ZMYM2: variants seen among roughly 807,000 people sequenced by gnomAD.
ZMYM2 encodes the protein zinc finger MYM-type protein 2.
ZMYM2 carries 56 observed loss-of-function variants against 162.8 expected under a neutral mutation model. The ratio of observed to expected loss-of-function variants is 0.34; its 90% CI spans 0.28 to 0.43. The LOEUF is 0.43. Among genes scored for constraint, ZMYM2 ranks in the 20% least tolerant of loss-of-function variants. The pLI is 1.00. For missense variants in ZMYM2, 1,275 were observed against 1,621.8 expected (o/e 0.79, Z 3.67); for synonymous variants, 510 against 541.6 (o/e 0.94, Z 0.81).
chr13:19,899,171 C>G, the ZMYM2 span, among the ~76,000 whole-genome samples: 1 of 151,646 alleles, frequency 6.6e-6, no homozygotes, highest in Non-Finnish European at 1.5e-5. Flanking sequence ...AGGCTGGTCT[C>G]GAACTTCTGA....
chr13:19,882,478 A>G, the ZMYM2 span, among the ~76,000 whole-genome samples: 1 of 152,248 alleles, frequency 6.6e-6, no homozygotes, highest in East Asian at 1.9e-4. Context: ...GCGTGGTGGT[A>G]GCTCACACCT....
the ZMYM2 span, among the ~76,000 whole-genome samples, chr13:19,909,642 A>G: frequency 1.3e-5 from 2 of 151,756 alleles, no homozygotes; most frequent in Admixed American, 6.6e-5. Flanking sequence ...CACTTTTCCC[A>G]GGCTGGTCTG....
At chr13:19,882,639 C>T in the ZMYM2 span, among the ~76,000 whole-genome samples, 7 of 152,092 alleles carry the variant, frequency 4.6e-5, no homozygotes, top group African/African-American at 1.7e-4. Flanking sequence ...CCCAACTACT[C>T]AGGAGCCTGA....
the ZMYM2 span, among the ~76,000 whole-genome samples, chr13:19,883,775 C>T: frequency 6.6e-6 from 1 of 151,854 alleles, no homozygotes; most frequent in Non-Finnish European, 1.5e-5. Context: ...TTTTTTTGAG[C>T]TGGAATCTTT....
rs144546339 is a variant in ZMYM2 at position 20,035,507 on chromosome 13, T to A, written c.2119+1103T>A. Among the ~76,000 whole-genome samples the A allele has an allele frequency of 1.1e-3, 171 of 152,324 alleles. 1 individual carries two copies. The Middle Eastern group carries it at 0.017, about 15-fold the overall frequency. On this transcript the variant is annotated intron_variant, in intron 11 of 24. Coordinates refer to ENST00000610343, the MANE Select transcript of ZMYM2 (RefSeq NM_197968.4). Reference sequence around the variant, plus strand: ...TTGATTCTGAATTAGTCTTTTTACATTTGAGTTGTGCAATGACATTCTTAC... The same window carrying A: ...TTGATTCTGAATTAGTCTTTTTACAATTGAGTTGTGCAATGACATTCTTAC...
intron 18 of ZMYM2, among the ~76,000 whole-genome samples, chr13:20,063,933 T>G (rs1419977031): frequency 6.0e-5 from 1 of 16,544 alleles, no homozygotes; most frequent in East Asian, 5.4e-3. Context: ...ATATATTATA[T>G]AGTTTTTATA....
chr13:19,884,168 C>A, the ZMYM2 span, among the ~76,000 whole-genome samples: 1,840 of 152,204 alleles, frequency 0.012, 39 homozygotes, highest in African/African-American at 0.041. Flanking sequence ...ATGAGTTTTA[C>A]AACAGCCAGG....
At chr13:19,956,853 C>T (rs1014509476), upstream of ZMYM2, among the ~76,000 whole-genome samples, 1 of 152,082 alleles carries the variant, frequency 6.6e-6, no homozygotes, top group Non-Finnish European at 1.5e-5. Context: ...AAGTTTTCAC[C>T]AAATTATTAC....
chr13:19,951,842 T>C, the ZMYM2 span, among the ~76,000 whole-genome samples: 1 of 151,942 alleles, frequency 6.6e-6, no homozygotes, highest in African/African-American at 2.4e-5. Context: ...TCTCAAAAAA[T>C]AAAAAAATTG....
the ZMYM2 span, among the ~76,000 whole-genome samples, chr13:19,892,701 A>G: frequency 6.6e-6 from 1 of 151,548 alleles, no homozygotes; most frequent in Non-Finnish European, 1.5e-5. Context: ...TATATTTAAC[A>G]TAAAAATTTT....
chr13:20,031,148 A>G (rs1288949856), intron 9 of ZMYM2, among the ~76,000 whole-genome samples, 171 bp from the exon 10 acceptor site: 1 of 152,220 alleles, frequency 6.6e-6, no homozygotes, highest in East Asian at 1.9e-4. Context: ...TTATAAAACT[A>G]ACATATACTA....
At chr13:19,972,802 C>T (rs1956438577) in intron 2 of ZMYM2, among the ~76,000 whole-genome samples, 1 of 151,944 alleles carries the variant, frequency 6.6e-6, no homozygotes, top group African/African-American at 2.4e-5. Flanking sequence ...CCACTTCTTC[C>T]ACATTCTTCC....
At chr13:19,916,143 A>G in the ZMYM2 span, among the ~76,000 whole-genome samples, 2 of 152,178 alleles carry the variant, frequency 1.3e-5, no homozygotes, top group South Asian at 2.1e-4. Flanking sequence ...TTACAGGTGT[A>G]AGCCACCGCA....
At chr13:20,007,222 G>T (rs890187493) in intron 6 of ZMYM2, among the ~76,000 whole-genome samples, 1 of 151,396 alleles carries the variant, frequency 6.6e-6, no homozygotes, top group African/African-American at 2.4e-5. Flanking sequence ...TGCAACCTCC[G>T]CCTCCCAGGT....
chr13:19,881,093 T>G, the ZMYM2 span, among the ~76,000 whole-genome samples: 4 of 151,862 alleles, frequency 2.6e-5, no homozygotes, highest in Admixed American at 6.6e-5. Flanking sequence ...TTCACCATGT[T>G]GGTCAGGCTG....
intron 12 of ZMYM2, among the ~76,000 whole-genome samples, chr13:20,045,768 A>C (rs1419977675): frequency 6.6e-6 from 1 of 152,134 alleles, no homozygotes; most frequent in Non-Finnish European, 1.5e-5. Context: ...CCATGTGATG[A>C]TGATTTCCCT....
the ZMYM2 span, among the ~76,000 whole-genome samples, chr13:19,915,882 T>C: frequency 6.8e-6 from 1 of 146,918 alleles, no homozygotes; most frequent in Non-Finnish European, 1.5e-5. Flanking sequence ...TTTTTTGAGG[T>C]GGAGTCTCAC....
At chr13:19,979,457 T>C (rs1392342155) in intron 2 of ZMYM2, among the ~76,000 whole-genome samples, 2 of 148,914 alleles carry the variant, frequency 1.3e-5, no homozygotes, top group Admixed American at 6.8e-5. Flanking sequence ...GCCCAGTTTA[T>C]GTTTCTTGTT....
chr13:20,061,217 C>T lies in ZMYM2; in HGVS notation c.2904C>T (p.Asn968=), dbSNP rs754743694. 1.9e-6 allele frequency: 3 copies of T among 1,613,492 alleles called. No individual in the cohort carries two copies. Among genetic ancestry groups the T allele is most frequent in the African/African-American group, 1.3e-5 (1 of 74,908 alleles). ...ACGAGGGGAAAACAGAGACAACCAA[C>T]ATCAACAGTGAGCTACACTAAATTA... ...SEDEGKTETT[N]INSVIIETDI... Residue 968 remains asparagine, a synonymous_variant, in exon 17 of 25, where the codon AAC becomes AAT. Transcript: ENST00000610343.
Sources: allele counts gnomAD v4.1 joint callset (sites outside exome capture counted in the v4.1 genomes callset), GRCh38; gene constraint gnomAD v4.1.1; transcripts MANE v1.5; gene names NCBI Gene and HGNC (gene_info 2026-07-23, HGNC 2026-07-21).